The following ITGBL1 variants were observed in gnomAD, a reference collection of about 807,000 sequenced individuals.
ITGBL1 encodes the protein integrin beta-like protein 1.
A neutral mutation model predicts 68.5 loss-of-function variants in ITGBL1; 51 were observed. The ratio of observed to expected loss-of-function variants is 0.74; its 90% confidence interval spans 0.59 to 0.94. The LOEUF is 0.94. Ranked by LOEUF, ITGBL1 falls within the 40% of genes least tolerant of loss-of-function variation. The pLI is 0.00. For synonymous variants in ITGBL1, 209 were observed against 227.3 expected, an observed-to-expected ratio of 0.92 and a Z score of 0.72; for missense variants, 649 against 647.4, an observed-to-expected ratio of 1.00 and a Z score of -0.03.
chr13:101,636,740 A>G (rs3783216), intron 7 of ITGBL1, among the ~76,000 whole-genome samples: 1 of 151,940 alleles, frequency 6.6e-6, no homozygotes, highest in Non-Finnish European at 1.5e-5. Context: ...TGTGTAATAC[A>G]CTGGTCCTGG....
At chr13:101,719,835 TCTTA>T (rs767430705), downstream of ITGBL1, 15 of 151,798 alleles carry the variant, frequency 9.9e-5, no homozygotes, top group East Asian at 5.8e-4. Flanking sequence ...AGATTGCACT[TCTTA>T]CTTAATAACA....
In ITGBL1 at chr13:101,513,963, T is replaced by C. The variant is rs574928465; in HGVS notation, c.317-53736T>C. Among the ~76,000 whole-genome samples, 35 of 152,148 alleles carry C rather than the reference T, an allele frequency of 2.3e-4. 1 individual carries two copies. Among genetic ancestry groups the C allele is most frequent in the Admixed American group, 1.9e-3 (29 of 15,268 alleles). ...CATATTTAAATAAATATTTATATAGTGTTTGTTTATTCAATGTGAATTTCA... is the reference window on the plus strand; with the variant it reads ...CATATTTAAATAAATATTTATATAGCGTTTGTTTATTCAATGTGAATTTCA... On this transcript the variant is annotated intron_variant, in intron 2 of 10. Coordinates refer to ENST00000376180, the MANE Select transcript of ITGBL1 (RefSeq NM_004791.3).
chr13:101,547,576 A>G (rs1384003578), intron 2 of ITGBL1, among the ~76,000 whole-genome samples: 1 of 151,770 alleles, frequency 6.6e-6, no homozygotes, highest in Non-Finnish European at 1.5e-5. Context: ...GGTAGTGGGG[A>G]GGGAACTGAG....
chr13:101,495,509 T>C (rs549157528), intron 2 of ITGBL1, among the ~76,000 whole-genome samples: 7 of 152,162 alleles, frequency 4.6e-5, no homozygotes, highest in Non-Finnish European at 1.0e-4. Flanking sequence ...ACTCCCCGGA[T>C]TTAATCCATG....
intron 7 of ITGBL1, among the ~76,000 whole-genome samples, chr13:101,602,829 A>G (rs1419956907): frequency 6.6e-6 from 1 of 151,970 alleles, no homozygotes; most frequent in African/African-American, 2.4e-5. Flanking sequence ...AAAATATGTG[A>G]TCTTCTCGCA....
chr13:101,638,268 A>G (rs2032241625), intron 7 of ITGBL1, among the ~76,000 whole-genome samples: 1 of 152,208 alleles, frequency 6.6e-6, no homozygotes. Context: ...TGTAATTGCT[A>G]CATAGCATGT....
chr13:101,546,936 A>AT (rs1339004545), intron 2 of ITGBL1, among the ~76,000 whole-genome samples: 1 of 152,070 alleles, frequency 6.6e-6, no homozygotes, highest in Non-Finnish European at 1.5e-5. Flanking sequence ...ATTCTCAAAT[A>AT]TTTTAGTATC....
chr13:101,589,306 GA>G (rs1389791849), intron 6 of ITGBL1, among the ~76,000 whole-genome samples: 1 of 152,044 alleles, frequency 6.6e-6, no homozygotes, highest in Non-Finnish European at 1.5e-5. Flanking sequence ...ATCTTGTTTA[GA>G]AAATTCTACT....
At chr13:101,720,032 AGTT>A (rs1232876200), downstream of ITGBL1, 2 of 152,162 alleles carry the variant, frequency 1.3e-5, no homozygotes, top group African/African-American at 2.4e-5. Context: ...TGTTACATAA[AGTT>A]GTTTGATGTT....
At chr13:101,643,705 C>T (rs1323259024) in intron 7 of ITGBL1, among the ~76,000 whole-genome samples, 4 of 152,040 alleles carry the variant, frequency 2.6e-5, no homozygotes, top group African/African-American at 9.7e-5. Flanking sequence ...TACAGGGGAG[C>T]AATTTGAGAA....
chr13:101,544,440 G>A (rs1191500979), intron 2 of ITGBL1, among the ~76,000 whole-genome samples: 1 of 152,114 alleles, frequency 6.6e-6, no homozygotes, highest in Non-Finnish European at 1.5e-5. Context: ...GTACCTGGCC[G>A]TGTGAGGTGT....
chr13:101,698,822 C>T (rs1424870517), intron 8 of ITGBL1, among the ~76,000 whole-genome samples: 9 of 152,158 alleles, frequency 5.9e-5, no homozygotes, highest in Non-Finnish European at 8.8e-5. Flanking sequence ...TCAGAGACTT[C>T]CCTCCTGTGT....
intron 2 of ITGBL1, among the ~76,000 whole-genome samples, chr13:101,553,523 G>A (rs540739165): frequency 6.6e-6 from 1 of 152,130 alleles, no homozygotes. Context: ...GTTTGCAAGG[G>A]TTACTATAAC....
At chr13:101,524,105 G>A (rs2049331007) in intron 2 of ITGBL1, among the ~76,000 whole-genome samples, 2 of 149,256 alleles carry the variant, frequency 1.3e-5, no homozygotes, top group African/African-American at 2.5e-5. Flanking sequence ...ATGAGATTAA[G>A]GGGAAAAACA....
intron 8 of ITGBL1, among the ~76,000 whole-genome samples, chr13:101,695,033 C>A (rs1005998701): frequency 6.6e-6 from 1 of 151,948 alleles, no homozygotes. Context: ...TATGGTTGAG[C>A]GTGAAGGGAG....
intron 7 of ITGBL1, among the ~76,000 whole-genome samples, chr13:101,612,581 G>C (rs1032363564): frequency 1.3e-5 from 2 of 152,008 alleles, no homozygotes; most frequent in Non-Finnish European, 2.9e-5. Context: ...AAAAAAAAAG[G>C]TGGTAGCAAA....
intron 6 of ITGBL1, among the ~76,000 whole-genome samples, chr13:101,593,857 C>T (rs187780769): frequency 6.6e-6 from 1 of 151,966 alleles, no homozygotes; most frequent in African/African-American, 2.4e-5. Flanking sequence ...AGGTTGAGGA[C>T]AGTTAACAGT....
At chr13:101,663,290 A>G (rs1037584081) in intron 7 of ITGBL1, among the ~76,000 whole-genome samples, 1 of 152,208 alleles carries the variant, frequency 6.6e-6, no homozygotes, top group Non-Finnish European at 1.5e-5. Flanking sequence ...ATTTAAGTAG[A>G]AAACAGGACT....
intron 7 of ITGBL1, among the ~76,000 whole-genome samples, chr13:101,603,691 T>TA (rs35929970): frequency 0.56 from 85,323 of 151,350 alleles, 25,568 homozygotes; most frequent in Middle Eastern, 0.68. Context: ...GTCTCTTTTT[T>TA]AAAAAAAATG....
Sources: allele counts gnomAD v4.1 joint callset (sites outside exome capture counted in the v4.1 genomes callset), GRCh38; gene constraint gnomAD v4.1.1; transcripts MANE v1.5; gene names NCBI Gene and HGNC (gene_info 2026-07-23, HGNC 2026-07-21).